DISC1: variants seen among roughly 807,000 people sequenced by gnomAD.
DISC1 encodes DISC1 scaffold protein.
A neutral mutation model predicts 84.5 loss-of-function variants in DISC1; 57 were observed. The ratio of observed to expected loss-of-function variants is 0.67; its 90% confidence interval spans 0.55 to 0.84. DISC1 has a LOEUF of 0.84. Among genes scored for constraint, DISC1 ranks in the 40% least tolerant of loss-of-function variants. DISC1 has a pLI of 0.00. For missense variants in DISC1, 1,000 were observed against 1,057.8 expected, an observed-to-expected ratio of 0.95 and a Z score of 0.76; for synonymous variants, 411 against 415.2, an observed-to-expected ratio of 0.99 and a Z score of 0.12.
intron 9 of DISC1, among the ~76,000 whole-genome samples, chr1:231,916,470 C>T (rs1009336833): frequency 3.3e-5 from 5 of 151,486 alleles, no homozygotes; most frequent in African/African-American, 7.3e-5. Context: ...CCGGCTAAAG[C>T]GGTGAAACCC....
At chr1:231,742,578 G>T (rs1213304114) in intron 3 of DISC1, among the ~76,000 whole-genome samples, 1 of 152,042 alleles carries the variant, frequency 6.6e-6, no homozygotes, top group Non-Finnish European at 1.5e-5. Flanking sequence ...TTTGTGATCA[G>T]CCTGGACAAC....
Position 231,694,216 on chromosome 1 carries a change from C to T in DISC1, c.458C>T (p.Ser153Phe). 1.9e-6 allele frequency: 3 copies of T among 1,614,206 alleles called. No individual in the cohort carries two copies. Among genetic ancestry groups the T allele is most frequent in the African/African-American group, 1.3e-5 (1 of 75,070 alleles). ...CAAGAGTTTGCAGCCATGGATAGTTCTGAGACCCTGGACGCCAGCTGGGAG... is the reference window on the plus strand; with the variant it reads ...CAAGAGTTTGCAGCCATGGATAGTTTTGAGACCCTGGACGCCAGCTGGGAG... The part of the protein sequence containing the change: ...WQQEFAAMDS[S>F]ETLDASWEAA... Residue 153 changes from serine (S) to phenylalanine (F), a missense_variant, in exon 2 of 13, where the codon TCT becomes TTT. Physicochemically the swap from Ser to Phe is radical, Grantham distance 155. This residue lies in a region of DISC1 where 292 missense variants were observed against 280.2 expected (regional missense o/e 1.04). Coordinates refer to ENST00000439617, the MANE Select transcript of DISC1 (RefSeq NM_018662.3).
intron 9 of DISC1, among the ~76,000 whole-genome samples, chr1:231,833,468 G>A (rs940898798): frequency 6.6e-6 from 1 of 151,810 alleles, no homozygotes. Flanking sequence ...GGCAGTGTCA[G>A]TCTTCAGCTG....
intron 9 of DISC1, among the ~76,000 whole-genome samples, chr1:231,845,368 G>A (rs1164960961): frequency 6.6e-6 from 1 of 152,238 alleles, no homozygotes; most frequent in Admixed American, 6.5e-5. Flanking sequence ...ACATGAGTGA[G>A]CAAGTGAGTG....
In DISC1 at chr1:231,650,876, C is replaced by A. The variant is rs142308908; in HGVS notation, c.67+23942C>A. Among the ~76,000 whole-genome samples, 7 of 152,252 alleles carry A rather than the reference C, an allele frequency of 4.6e-5. No individual in the cohort carries two copies. In the East Asian group the frequency reaches 9.6e-4, roughly 21 times the overall value. ...AATCAGCTATTGAAGCTTGTGCATG[C>A]GTCATGTAGTTCTTGTGCCATGGTT... On this transcript the variant is annotated intron_variant, in intron 1 of 12. Transcript: ENST00000439617.
chr1:231,886,866 C>T (rs113464450), intron 9 of DISC1, among the ~76,000 whole-genome samples: 3,018 of 5,556 alleles, frequency 0.54, 917 homozygotes, highest in East Asian at 0.67. Flanking sequence ...CTTTTCTTTC[C>T]TTTTTTTTTT....
chr1:231,756,203 T>C (rs2075094820), intron 4 of DISC1, among the ~76,000 whole-genome samples: 1 of 152,196 alleles, frequency 6.6e-6, no homozygotes, highest in Admixed American at 6.5e-5. Flanking sequence ...TTCCCATTCT[T>C]CCAGACTTAG....
intron 9 of DISC1, among the ~76,000 whole-genome samples, chr1:231,877,021 G>A (rs1218520609): frequency 6.6e-6 from 1 of 152,244 alleles, no homozygotes; most frequent in African/African-American, 2.4e-5. Context: ...GGGCCACTCT[G>A]GAGGGAGAGC....
chr1:231,810,944 G>T (rs973572028), intron 8 of DISC1, among the ~76,000 whole-genome samples: 3 of 152,136 alleles, frequency 2.0e-5, no homozygotes, highest in African/African-American at 4.8e-5. Context: ...GTGGGTAAGG[G>T]TATTGTTTTC....
chr1:231,886,735 TTCTTTC>T (rs1381191369), intron 9 of DISC1, among the ~76,000 whole-genome samples: 1 of 151,730 alleles, frequency 6.6e-6, no homozygotes, highest in African/African-American at 2.4e-5. Context: ...AGACCTGACT[TTCTTTC>T]TCTTTCTTCC....
At position 231,800,198 on chromosome 1, in the gene DISC1, C is replaced by T. The variant is rs2079115688; in HGVS notation, c.1780C>T (p.His594Tyr). 1 of 1,611,536 alleles carries T rather than the reference C, an allele frequency of 6.2e-7. No homozygotes were observed. Among genetic ancestry groups the T allele is most frequent in the South Asian group, 1.1e-5 (1 of 91,056 alleles). ...ACCAGCCTTGCTTGAAGCCAAAATG[C>T]ATGCCATATCAGGTAACTGGCAGTG... ...QLPALLEAKM[H>Y]AISGNHFWTA... Residue 594 changes from histidine (H) to tyrosine (Y), a missense_variant, in exon 8 of 13, where the codon CAT becomes TAT. This residue lies in a region of DISC1 where 397 missense variants were observed against 377.5 expected (regional missense o/e 1.05). Transcript: ENST00000439617.
chr1:231,682,748 A>G (rs954231526), intron 1 of DISC1, among the ~76,000 whole-genome samples: 10 of 152,252 alleles, frequency 6.6e-5, no homozygotes, highest in Non-Finnish European at 2.9e-5. Context: ...CTCTAACGGT[A>G]AGGGCTTATA....
intron 1 of DISC1, among the ~76,000 whole-genome samples, chr1:231,671,297 T>C (rs1179130869): frequency 6.9e-6 from 1 of 145,008 alleles, no homozygotes; most frequent in Non-Finnish European, 1.5e-5. Context: ...CTTTTCATTA[T>C]TTTTTTTTTA....
Position 232,036,917 on chromosome 1 carries a change from C to G in DISC1, c.*86C>G. On this transcript the variant is annotated 3_prime_UTR_variant, in exon 13 of 13. Coordinates refer to ENST00000439617, the MANE Select transcript of DISC1 (RefSeq NM_018662.3). ...CCCTCCCCCGCCATAGCTAAGATGC[C>G]TGAATCAATTACGGAGATACAGAGC... is the stretch of plus-strand genomic sequence containing the variant. 2 of 1,377,870 alleles carry G rather than the reference C, an allele frequency of 1.5e-6. No homozygotes were observed. Among genetic ancestry groups the G allele is most frequent in the Non-Finnish European group, 1.9e-6 (2 of 1,039,822 alleles). 85.4% of individuals were successfully genotyped at this position (1,377,870 alleles called of 1,614,324 possible). A position where few individuals can be genotyped will look rare whatever the true frequency, so the allele number is the denominator to read the frequency against.
intron 10 of DISC1, among the ~76,000 whole-genome samples, chr1:231,979,301 A>T (rs2102861527): frequency 6.6e-6 from 1 of 152,076 alleles, no homozygotes. Flanking sequence ...ATGCGTTTGA[A>T]TCACCCCGAA....
chr1:231,758,812 G>T (rs1378523120), intron 4 of DISC1, among the ~76,000 whole-genome samples: 1 of 152,126 alleles, frequency 6.6e-6, no homozygotes, highest in African/African-American at 2.4e-5. Flanking sequence ...TGAATACATT[G>T]CATTTCTCTA....
rs1247928802 is a variant in DISC1 at position 232,009,096 on chromosome 1, G to T, written c.2307+47G>T. Reference sequence around the variant, plus strand: ...TCCAGAGGGGACCCTTATTCTAAGGGGTGCTTTGGGACCATGCTCCAAATG... The same window carrying T: ...TCCAGAGGGGACCCTTATTCTAAGGTGTGCTTTGGGACCATGCTCCAAATG... On this transcript the variant is annotated intron_variant, in intron 11 of 12. Coordinates refer to ENST00000439617, the MANE Select transcript of DISC1 (RefSeq NM_018662.3). This position sits in a 1 kb window ranked among gnomAD's most constrained non-coding sequence, Gnocchi z 4.6. 1.2e-6 allele frequency: 2 copies of T among 1,612,284 alleles called. No individual in the cohort carries two copies. Among genetic ancestry groups the T allele is most frequent in the South Asian group, 1.1e-5 (1 of 90,578 alleles).
chr1:231,786,012 TC>T (rs1377159832), intron 6 of DISC1, among the ~76,000 whole-genome samples: 1 of 152,188 alleles, frequency 6.6e-6, no homozygotes, highest in Non-Finnish European at 1.5e-5. Context: ...ATCTCTATTA[TC>T]TATTATATTT....
At chr1:231,738,893 A>C (rs1450767074) in intron 3 of DISC1, among the ~76,000 whole-genome samples, 1 of 152,190 alleles carries the variant, frequency 6.6e-6, no homozygotes, top group Non-Finnish European at 1.5e-5. Flanking sequence ...CTTGTGTTCT[A>C]TTGACATGTC....
Sources: allele counts gnomAD v4.1 joint callset (sites outside exome capture counted in the v4.1 genomes callset), GRCh38; gene constraint gnomAD v4.1.1; regional missense constraint gnomAD v4.1.1; non-coding constraint Gnocchi (gnomAD v3.1); transcripts MANE v1.5; gene names NCBI Gene and HGNC (gene_info 2026-07-23, HGNC 2026-07-21).